DRC11: variants seen among roughly 807,000 people sequenced by gnomAD.
DRC11 encodes the protein IQ and AAA domain-containing protein 1.
chr2:236,400,101 G>A, the DRC11 span, among the ~76,000 whole-genome samples: 2 of 152,136 alleles, frequency 1.3e-5, no homozygotes, highest in Non-Finnish European at 2.9e-5. This position sits in a 1 kb window ranked among gnomAD's most constrained non-coding sequence, Gnocchi z 7.9. Flanking sequence ...CCTCCTCCAC[G>A]TTGCTGTAAC....
At chr2:236,506,482 GCT>G in the DRC11 span, among the ~76,000 whole-genome samples, 1 of 152,144 alleles carries the variant, frequency 6.6e-6, no homozygotes, top group East Asian at 1.9e-4. The surrounding 1 kb of genome is among the most constrained non-coding windows in gnomAD (Gnocchi z 4.9). Flanking sequence ...TAACCTCTCT[GCT>G]CTTATTTCCT....
chr2:236,329,692 T>G, the DRC11 span, among the ~76,000 whole-genome samples: 1 of 152,274 alleles, frequency 6.6e-6, no homozygotes, highest in Admixed American at 6.5e-5. Context: ...CTAAACAAAT[T>G]TATTAAACAT....
the DRC11 span, among the ~76,000 whole-genome samples, chr2:236,454,178 A>G: frequency 2.8e-4 from 42 of 152,328 alleles, no homozygotes; most frequent in Admixed American, 1.6e-3. This position sits in a 1 kb window ranked among gnomAD's most constrained non-coding sequence, Gnocchi z 5.3. Flanking sequence ...CCACAAAAAG[A>G]AAATCCATTC....
chr2:236,309,687 G>A, the DRC11 span, among the ~76,000 whole-genome samples: 1 of 152,162 alleles, frequency 6.6e-6, no homozygotes, highest in African/African-American at 2.4e-5. This position sits in a 1 kb window ranked among gnomAD's most constrained non-coding sequence, Gnocchi z 5.7. Context: ...GGTCATCCTA[G>A]AGCATGTTCT....
At chr2:236,315,175 A>T in the DRC11 span, among the ~76,000 whole-genome samples, 1 of 152,166 alleles carries the variant, frequency 6.6e-6, no homozygotes, top group East Asian at 1.9e-4. This position sits in a 1 kb window ranked among gnomAD's most constrained non-coding sequence, Gnocchi z 5.1. Context: ...GTTGTTTTTA[A>T]ATACTTGTTT....
chr2:236,391,944 C>T, the DRC11 span: 15 of 1,582,100 alleles, frequency 9.5e-6, no homozygotes, highest in African/African-American at 4.0e-5. The surrounding 1 kb of genome is among the most constrained non-coding windows in gnomAD (Gnocchi z 4.5). Flanking sequence ...TCCGCTCCAC[C>T]GCACCCCTCT....
the DRC11 span, chr2:236,377,188 G>A: frequency 6.2e-7 from 1 of 1,600,464 alleles, no homozygotes; most frequent in Admixed American, 1.7e-5. This position sits in a 1 kb window ranked among gnomAD's most constrained non-coding sequence, Gnocchi z 4.9. Context: ...CGATGGTCCT[G>A]GGGAGAAAGC....
the DRC11 span, among the ~76,000 whole-genome samples, chr2:236,425,418 T>C: frequency 1.3e-5 from 2 of 152,054 alleles, no homozygotes; most frequent in Non-Finnish European, 2.9e-5. Flanking sequence ...TTTTTCCATA[T>C]ACATGTTGAC....
the DRC11 span, among the ~76,000 whole-genome samples, chr2:236,351,034 G>A: frequency 0.23 from 34,816 of 152,154 alleles, 4,562 homozygotes; most frequent in African/African-American, 0.36. This position sits in a 1 kb window ranked among gnomAD's most constrained non-coding sequence, Gnocchi z 7.3. Flanking sequence ...GTTTTCAAAC[G>A]TGTGAAGGAC....
chr2:236,357,770 T>A, the DRC11 span, among the ~76,000 whole-genome samples: 38 of 126,242 alleles, frequency 3.0e-4, no homozygotes, highest in African/African-American at 9.5e-4. Context: ...ACATATACTA[T>A]GTAAATATAT....
At chr2:236,384,421 C>A in the DRC11 span, among the ~76,000 whole-genome samples, 2 of 151,072 alleles carry the variant, frequency 1.3e-5, no homozygotes, top group Non-Finnish European at 3.0e-5. Flanking sequence ...GCCAGTGATG[C>A]TGAGCATTTT....
chr2:236,453,092 C>T, the DRC11 span, among the ~76,000 whole-genome samples: 2 of 152,202 alleles, frequency 1.3e-5, no homozygotes, highest in Admixed American at 6.5e-5. The surrounding 1 kb of genome is among the most constrained non-coding windows in gnomAD (Gnocchi z 4.9). Flanking sequence ...AAAACCTGCG[C>T]CATCATTCAC....
the DRC11 span, among the ~76,000 whole-genome samples, chr2:236,360,675 G>T: frequency 6.6e-6 from 1 of 152,140 alleles, no homozygotes; most frequent in Non-Finnish European, 1.5e-5. This position sits in a 1 kb window ranked among gnomAD's most constrained non-coding sequence, Gnocchi z 5.8. Flanking sequence ...CTTGCGTGGG[G>T]AAAGATTCCA....
At chr2:236,319,031 G>A in the DRC11 span, among the ~76,000 whole-genome samples, 2 of 152,274 alleles carry the variant, frequency 1.3e-5, no homozygotes, top group South Asian at 4.1e-4. This position sits in a 1 kb window ranked among gnomAD's most constrained non-coding sequence, Gnocchi z 6.7. Context: ...AGTGAAATGA[G>A]AAGAAGGGTA....
At chr2:236,326,202 C>T in the DRC11 span, among the ~76,000 whole-genome samples, 1 of 152,124 alleles carries the variant, frequency 6.6e-6, no homozygotes, top group Non-Finnish European at 1.5e-5. Context: ...AATTATTTTA[C>T]TTGGAATTGA....
chr2:236,403,027 C>T, the DRC11 span, among the ~76,000 whole-genome samples: 1 of 151,812 alleles, frequency 6.6e-6, no homozygotes, highest in East Asian at 1.9e-4. Context: ...TCTATTATTG[C>T]CATTTTTGTT....
the DRC11 span, chr2:236,377,043 G>C: frequency 8.7e-7 from 1 of 1,144,782 alleles, no homozygotes; most frequent in Non-Finnish European, 1.3e-6. The surrounding 1 kb of genome is among the most constrained non-coding windows in gnomAD (Gnocchi z 4.9). Context: ...CGGCTGCTGG[G>C]ATTTCAAAAC....
the DRC11 span, among the ~76,000 whole-genome samples, chr2:236,316,145 TTCTCTC>T: frequency 2.4e-3 from 344 of 146,204 alleles, no homozygotes; most frequent in Middle Eastern, 0.018. This position sits in a 1 kb window ranked among gnomAD's most constrained non-coding sequence, Gnocchi z 6.8. Context: ...ACTTATTTTC[TTCTCTC>T]TCTCTCTCTC....
the DRC11 span, among the ~76,000 whole-genome samples, chr2:236,507,036 G>A: frequency 3.9e-5 from 6 of 152,158 alleles, no homozygotes; most frequent in Admixed American, 3.3e-4. Flanking sequence ...CGTAGGGGAG[G>A]GGGAGATCTA....
Sources: gnomAD v4.1 joint callset for allele counts (sites outside exome capture counted in the v4.1 genomes callset) on GRCh38, gnomAD v4.1.1 for gene constraint, Gnocchi (gnomAD v3.1) non-coding constraint, MANE v1.5 for transcripts, NCBI Gene and HGNC (gene_info 2026-07-23, HGNC 2026-07-21) for gene names.